The following NELL1 variants were observed in gnomAD, a reference collection of about 807,000 sequenced individuals.
NELL1 encodes the protein protein kinase C-binding protein NELL1.
NELL1 carries 76 observed loss-of-function variants against 107.4 expected under a neutral mutation model. The ratio of observed to expected loss-of-function variants is 0.71; its 90% CI spans 0.59 to 0.86. NELL1 has a LOEUF of 0.86. NELL1 is among the 40% of genes least tolerant of loss of function. The probability of loss-of-function intolerance (pLI) is 0.00; values close to 1 mark genes in which losing one functional copy is unlikely to be tolerated. For missense variants in NELL1, 1,024 were observed against 1,005.5 expected (o/e 1.02, Z -0.25); for synonymous variants, 353 against 341.2 (o/e 1.03, Z -0.38).
rs1342739995 is a variant in NELL1, at chr11:21,326,999, C to A, written c.1550-43854C>A. Among the ~76,000 whole-genome samples, 7 of 151,860 alleles carry A rather than the reference C, an allele frequency of 4.6e-5. No individual in the cohort carries two copies. The South Asian group carries it at 6.2e-4, about 14-fold the overall frequency. On this transcript the variant is annotated intron_variant, in intron 14 of 19. Coordinates refer to ENST00000357134, the MANE Select transcript of NELL1 (RefSeq NM_006157.5). ...AGTATAGGACATGATATTATGGATA[C>A]CTATATGATATGGTTTGGCTGTGTC...
chr11:21,326,395 A>C (rs1315461733), intron 14 of NELL1, among the ~76,000 whole-genome samples: 1 of 152,014 alleles, frequency 6.6e-6, no homozygotes, highest in Non-Finnish European at 1.5e-5. Flanking sequence ...TGTTTAAACT[A>C]AAATATTTAA....
chr11:21,383,552 C>T (rs1270717646), intron 15 of NELL1, among the ~76,000 whole-genome samples: 1 of 151,696 alleles, frequency 6.6e-6, no homozygotes, highest in Admixed American at 6.6e-5. Flanking sequence ...AAATCTTAAA[C>T]TGCAGCCCAT....
rs1366535496 is a variant in NELL1, at chr11:21,248,516, A to G, written c.1549+19062A>G. ...TGTGGCCACTGTTTAGATTAGTCTC[A>G]GCCTTCAAATGGTGGTTCCTGAGGT... On this transcript the variant is annotated intron_variant, in intron 14 of 19. Transcript: ENST00000357134. 2.0e-5 allele frequency among the ~76,000 whole-genome samples: 3 copies of G among 152,142 alleles called. No homozygotes were observed. The East Asian group carries it at 5.8e-4, about 29-fold the overall frequency.
intron 14 of NELL1, among the ~76,000 whole-genome samples, chr11:21,357,099 T>C (rs150635954): frequency 0.011 from 1,667 of 152,336 alleles, 17 homozygotes; most frequent in Middle Eastern, 0.031. Context: ...TTGTGAATTG[T>C]GCTGCTCTAA....
At chr11:21,446,292 T>C (rs773601251) in intron 15 of NELL1, among the ~76,000 whole-genome samples, 3 of 152,192 alleles carry the variant, frequency 2.0e-5, no homozygotes, top group Non-Finnish European at 4.4e-5. Context: ...GTATTTTGAA[T>C]TTTCTGTCAG....
rs138388495 is a variant in NELL1, at chr11:20,870,597, T to A, written c.507-14847T>A. ...GGGCCATTATAGTTTAAATGATGAGTTGGAGTTTGAAAAGGATTTGGAACT... is the reference window on the plus strand; with the variant it reads ...GGGCCATTATAGTTTAAATGATGAGATGGAGTTTGAAAAGGATTTGGAACT... On this transcript the variant is annotated intron_variant, in intron 4 of 19. Coordinates refer to ENST00000357134, the MANE Select transcript of NELL1 (RefSeq NM_006157.5). 2.0e-3 allele frequency among the ~76,000 whole-genome samples: 305 copies of A among 152,254 alleles called. 2 individuals carry two copies. Among genetic ancestry groups the A allele is most frequent in the African/African-American group, 7.1e-3 (295 of 41,556 alleles).
At chr11:20,719,905 T>TG (rs1554906319) in intron 2 of NELL1, among the ~76,000 whole-genome samples, 327 of 152,080 alleles carry the variant, frequency 2.2e-3, no homozygotes, top group African/African-American at 7.6e-3. Flanking sequence ...ACCAGACTGT[T>TG]AGTCACTTTT....
At chr11:21,064,469 G>C (rs1032657269) in intron 12 of NELL1, among the ~76,000 whole-genome samples, 6 of 152,174 alleles carry the variant, frequency 3.9e-5, no homozygotes, top group African/African-American at 1.2e-4. Flanking sequence ...GAGCCGATAG[G>C]ATTTCCTCCG....
At chr11:21,246,332 C>G (rs190758788) in intron 14 of NELL1, among the ~76,000 whole-genome samples, 1 of 152,210 alleles carries the variant, frequency 6.6e-6, no homozygotes, top group African/African-American at 2.4e-5. Context: ...TTATGTAACA[C>G]TGAAATTGTC....
chr11:21,511,668 T>TA (rs1162828789), intron 15 of NELL1, among the ~76,000 whole-genome samples: 2 of 152,044 alleles, frequency 1.3e-5, no homozygotes, highest in Non-Finnish European at 2.9e-5. Flanking sequence ...GCGAGCTAAA[T>TA]AAAAGAAGGA....
chr11:21,278,069 G>A (rs550453252), intron 14 of NELL1, among the ~76,000 whole-genome samples: 13 of 150,956 alleles, frequency 8.6e-5, no homozygotes, highest in Admixed American at 7.9e-4. Context: ...GAAAGAAAAA[G>A]CATTTGACAA....
At chr11:20,900,867 G>GA (rs372383114) in intron 5 of NELL1, among the ~76,000 whole-genome samples, 8 of 151,928 alleles carry the variant, frequency 5.3e-5, no homozygotes, top group Admixed American at 3.9e-4. Context: ...CATTAAAGGA[G>GA]AAAAAAATCC....
At chr11:20,748,650 C>G (rs1856058226) in intron 2 of NELL1, among the ~76,000 whole-genome samples, 1 of 152,062 alleles carries the variant, frequency 6.6e-6, no homozygotes, top group African/African-American at 2.4e-5. Context: ...TAAGTAAGAA[C>G]TCATGGTATT....
chr11:20,784,832 G>A (rs925803168), intron 3 of NELL1, among the ~76,000 whole-genome samples: 9 of 152,178 alleles, frequency 5.9e-5, no homozygotes, highest in African/African-American at 1.9e-4. Flanking sequence ...TTCTAAGCAT[G>A]TATGGTGGAG....
At chr11:21,483,990 CAT>C (rs781565679) in intron 15 of NELL1, among the ~76,000 whole-genome samples, 1,273 of 88,082 alleles carry the variant, frequency 0.014, 8 homozygotes, top group African/African-American at 0.035. Context: ...TTTTACTTAA[CAT>C]ATATATATAT....
rs543683283 is a variant in NELL1 at position 20,724,765 on chromosome 11, C to T, written c.184+46705C>T. Among the ~76,000 whole-genome samples, 3 of 152,314 alleles carry T rather than the reference C, an allele frequency of 2.0e-5. No individual in the cohort carries two copies. In the South Asian group the frequency reaches 6.2e-4, roughly 32 times the overall value. The stretch of plus-strand genomic sequence containing the variant: ...CATTACCCAGTTCCAAAGTCCCTTC[C>T]ACATTTTCAGTTTATCTTTATAGCA... On this transcript the variant is annotated intron_variant, in intron 2 of 19. Coordinates refer to ENST00000357134, the MANE Select transcript of NELL1 (RefSeq NM_006157.5).
At chr11:20,926,791 C>T (rs1283489568) in intron 7 of NELL1, among the ~76,000 whole-genome samples, 1 of 152,154 alleles carries the variant, frequency 6.6e-6, no homozygotes, top group Non-Finnish European at 1.5e-5. Context: ...GGGGGATCCG[C>T]TTACGACTTT....
At chr11:21,090,833 CTGTCCTATTATTGGA>C (rs1290719669) in intron 12 of NELL1, among the ~76,000 whole-genome samples, 1 of 152,156 alleles carries the variant, frequency 6.6e-6, no homozygotes, top group Non-Finnish European at 1.5e-5. Flanking sequence ...TCTTAATCAA[CTGTCCTATTATTGGA>C]TATAATCTCT....
At chr11:21,272,379 CT>C (rs1487743777) in intron 14 of NELL1, among the ~76,000 whole-genome samples, 1 of 152,196 alleles carries the variant, frequency 6.6e-6, no homozygotes, top group Non-Finnish European at 1.5e-5. Flanking sequence ...ATTGCCAAGG[CT>C]TGAGTAGATA....
Sources: gnomAD v4.1 joint callset for allele counts (sites outside exome capture counted in the v4.1 genomes callset) on GRCh38, gnomAD v4.1.1 for gene constraint, MANE v1.5 for transcripts, NCBI Gene and HGNC (gene_info 2026-07-23, HGNC 2026-07-21) for gene names.